The following PCDHA3 variants were observed in gnomAD, a reference collection of about 807,000 sequenced individuals.
PCDHA3 encodes protocadherin alpha-3.
Under a neutral mutation model 62.2 loss-of-function variants are expected in PCDHA3, and 41 were observed. The ratio of observed to expected loss-of-function variants is 0.66; its 90% CI spans 0.51 to 0.86. PCDHA3 has a LOEUF of 0.86. PCDHA3 is among the 40% of genes least tolerant of loss of function. The pLI, the probability that PCDHA3 is intolerant of heterozygous loss-of-function variation, is 0.00. For missense variants in PCDHA3, 1,304 were observed against 1,241.2 expected, an observed-to-expected ratio of 1.05 and a Z score of -0.76; for synonymous variants, 640 against 555.4, an observed-to-expected ratio of 1.15 and a Z score of -2.14.
intron 1 of PCDHA3, among the ~76,000 whole-genome samples, chr5:140,845,905 T>C (rs1299056120): frequency 6.7e-6 from 1 of 149,748 alleles, no homozygotes; most frequent in Non-Finnish European, 1.5e-5. Context: ...TGGCCTTCCA[T>C]ATTAATCTTA....
rs781791963 is a variant in PCDHA3 at position 140,809,224 on chromosome 5, C to T, written c.2394+5633C>T. ...AGAGTGGACAGGCGCCAAAGGCCTCCTCACGGGCGTTGGTGGGCGCTGTGG... is the reference window on the plus strand; with the variant it reads ...AGAGTGGACAGGCGCCAAAGGCCTCTTCACGGGCGTTGGTGGGCGCTGTGG... On this transcript the variant is annotated intron_variant, in intron 1 of 3. Transcript: ENST00000522353. 33 of 1,613,966 alleles carry T rather than the reference C, an allele frequency of 2.0e-5. No individual in the cohort carries two copies. In the Admixed American group the frequency reaches 5.5e-4, roughly 27 times the overall value.
rs140143048 is a variant in PCDHA3 at position 140,842,939 on chromosome 5, G to T, written c.2394+39348G>T. 2.5e-6 allele frequency: 4 copies of T among 1,594,572 alleles called. No homozygotes were observed. In the East Asian group the frequency reaches 8.9e-5, roughly 36 times the overall value. ...GCAGTTCCAGGTGAGCGCGCGCGACGCGGGCGTGCCGCCTCTGGGCAGCAA... is the reference window on the plus strand; with the variant it reads ...GCAGTTCCAGGTGAGCGCGCGCGACTCGGGCGTGCCGCCTCTGGGCAGCAA... On this transcript the variant is annotated intron_variant, in intron 1 of 3. Coordinates refer to ENST00000522353, the MANE Select transcript of PCDHA3 (RefSeq NM_018906.3).
chr5:140,839,338 AG>A (rs2150296431), intron 1 of PCDHA3, among the ~76,000 whole-genome samples: 1 of 151,246 alleles, frequency 6.6e-6, no homozygotes, highest in Non-Finnish European at 1.5e-5. Context: ...TGAAGTTGAT[AG>A]GGGATCCTCC....
intron 3 of PCDHA3, among the ~76,000 whole-genome samples, chr5:140,984,922 C>T (rs2097125803): frequency 6.6e-6 from 1 of 152,074 alleles, no homozygotes; most frequent in Non-Finnish European, 1.5e-5. Flanking sequence ...TAGTGCTTGA[C>T]ATATAGTTAA....
intron 1 of PCDHA3, chr5:140,968,106 C>A: frequency 6.2e-7 from 1 of 1,614,134 alleles, no homozygotes; most frequent in Non-Finnish European, 8.5e-7. Flanking sequence ...GGGGGAATAC[C>A]GCAGCTCACA....
intron 1 of PCDHA3, chr5:140,849,831 G>A (rs2041164266): frequency 6.3e-7 from 1 of 1,598,450 alleles, no homozygotes; most frequent in African/African-American, 1.3e-5. Context: ...TGTGGAGGTG[G>A]CCGACGTGAA....
At chr5:140,830,820 G>C (rs1771259303) in intron 1 of PCDHA3, 2 of 156,158 alleles carry the variant, frequency 1.3e-5, no homozygotes, top group African/African-American at 4.8e-5. Flanking sequence ...GTTTGCCTTT[G>C]AGCTTTAGGA....
intron 1 of PCDHA3, chr5:140,969,204 C>T (rs1453693936): frequency 3.2e-5 from 51 of 1,613,996 alleles, no homozygotes; most frequent in African/African-American, 1.5e-4. Context: ...AATACAGGGG[C>T]CCAGACAGGA....
At chr5:140,857,192 G>A in intron 1 of PCDHA3, 2 of 1,598,474 alleles carry the variant, frequency 1.3e-6, no homozygotes, top group Non-Finnish European at 1.7e-6. Context: ...AGGAGCCAAC[G>A]GACAGGTCAC....
chr5:140,904,139 A>G lies in PCDHA3; in HGVS notation c.2395-74810A>G, dbSNP rs557435150. On this transcript the variant is annotated intron_variant, in intron 1 of 3. Coordinates refer to ENST00000522353, the MANE Select transcript of PCDHA3 (RefSeq NM_018906.3). ...ATTTTGGTGCACCCATCACCCGAGCAGTATACATTGCACCCAGTTTGTAGT... is the reference window on the plus strand; with the variant it reads ...ATTTTGGTGCACCCATCACCCGAGCGGTATACATTGCACCCAGTTTGTAGT... Among the ~76,000 whole-genome samples, 4 of 152,286 alleles carry G rather than the reference A, an allele frequency of 2.6e-5. No homozygotes were observed. The East Asian group carries it at 7.7e-4, about 29-fold the overall frequency.
chr5:140,902,140 G>A (rs1156661388), intron 1 of PCDHA3, among the ~76,000 whole-genome samples: 2 of 151,048 alleles, frequency 1.3e-5, no homozygotes, highest in African/African-American at 4.9e-5. Context: ...CTGCAAACAA[G>A]GATAATTTGA....
Position 140,801,139 on chromosome 5 carries a change from A to T in PCDHA3, c.-59A>T, listed in dbSNP as rs1430872212. 3 of 1,526,066 alleles carry T rather than the reference A, an allele frequency of 2.0e-6. No homozygotes were observed. The African/African-American group carries it at 4.2e-5, about 21-fold the overall frequency. The allele number at this position is 1,526,066 out of a possible 1,614,324, so 94.5% of individuals were successfully genotyped here. ...TTAAGAAATGAAGATAAGGAACTCG[A>T]ATTATTTTTAAACTTTGGATCAATG... is the stretch of plus-strand genomic sequence containing the variant. On this transcript the variant is annotated 5_prime_UTR_variant, in exon 1 of 4. Transcript: ENST00000522353.
chr5:140,928,744 C>T (rs143875858), intron 1 of PCDHA3: 3 of 1,614,144 alleles, frequency 1.9e-6, no homozygotes, highest in Admixed American at 3.3e-5. Context: ...TATAGGTGAG[C>T]TCCGTACTGC....
chr5:140,887,853 C>G (rs145942561), intron 1 of PCDHA3, among the ~76,000 whole-genome samples: 1 of 152,170 alleles, frequency 6.6e-6, no homozygotes, highest in African/African-American at 2.4e-5. Flanking sequence ...GACATATTTT[C>G]CAAGTTCACT....
intron 1 of PCDHA3, chr5:140,877,048 G>C (rs376952553): frequency 1.2e-5 from 19 of 1,612,558 alleles, no homozygotes; most frequent in African/African-American, 2.7e-5. Flanking sequence ...GCTAGACCAC[G>C]AGGAGCTGGA....
intron 1 of PCDHA3, chr5:140,803,828 A>G: frequency 1.6e-6 from 1 of 637,158 alleles, no homozygotes; most frequent in Non-Finnish European, 2.6e-6. Context: ...TAGGTGCAGT[A>G]GTAGAATTAT....
Position 141,009,995 on chromosome 5 carries a change from C to T in PCDHA3, c.*58C>T, listed in dbSNP as rs1178395504. 6.3e-7 allele frequency: 1 copy of T among 1,576,476 alleles called. No individual in the cohort carries two copies. The highest frequency in any genetic ancestry group is 8.6e-7 in the Non-Finnish European group (1 of 1,165,244). ...TTTTTGTAATAATGGCAAATCTCTC[C>T]CATGTAGCAATTCCCTGCTCCTTTT... On this transcript the variant is annotated 3_prime_UTR_variant, in exon 4 of 4. Coordinates refer to ENST00000522353, the MANE Select transcript of PCDHA3 (RefSeq NM_018906.3).
chr5:140,845,946 A>G (rs1430863915), intron 1 of PCDHA3, among the ~76,000 whole-genome samples: 2 of 149,792 alleles, frequency 1.3e-5, no homozygotes, highest in East Asian at 1.9e-4. Flanking sequence ...CTGTAAAGTC[A>G]TTTTTTAGAT....
intron 1 of PCDHA3, among the ~76,000 whole-genome samples, chr5:140,924,229 T>G (rs543275737): frequency 6.6e-6 from 1 of 152,258 alleles, no homozygotes; most frequent in Non-Finnish European, 1.5e-5. Flanking sequence ...TCAATTTTTA[T>G]GGGCTGTTTT....
Sources: allele counts gnomAD v4.1 joint callset (sites outside exome capture counted in the v4.1 genomes callset), GRCh38; gene constraint gnomAD v4.1.1; transcripts MANE v1.5; gene names NCBI Gene and HGNC (gene_info 2026-07-23, HGNC 2026-07-21).